The following ADCY8 variants were observed in gnomAD, a reference collection of about 807,000 sequenced individuals.
ADCY8 encodes adenylate cyclase 8.
A neutral mutation model predicts 119.7 loss-of-function variants in ADCY8; 51 were observed. The ratio of observed to expected loss-of-function variants is 0.43; its 90% CI spans 0.34 to 0.54. ADCY8 has a LOEUF of 0.54. Among genes scored for constraint, ADCY8 ranks in the 20% least tolerant of loss-of-function variants. The probability of loss-of-function intolerance (pLI) is 0.03; values close to 1 mark genes in which losing one functional copy is unlikely to be tolerated. For synonymous variants in ADCY8, 665 were observed against 651.0 expected, an observed-to-expected ratio of 1.02 and a Z score of -0.33; for missense variants, 1,383 against 1,598.8, an observed-to-expected ratio of 0.87 and a Z score of 2.30.
chr8:130,946,311 A>G (rs928668259), intron 3 of ADCY8, among the ~76,000 whole-genome samples: 2 of 152,174 alleles, frequency 1.3e-5, no homozygotes, highest in East Asian at 1.9e-4. Context: ...TAAGGTCATA[A>G]AAGTTTCAGA....
chr8:130,796,856 C>T (rs1017749212), intron 15 of ADCY8, among the ~76,000 whole-genome samples: 11 of 151,318 alleles, frequency 7.3e-5, no homozygotes, highest in African/African-American at 2.7e-4. Flanking sequence ...ACTTATCCTC[C>T]CCCTCCTCTT....
intron 5 of ADCY8, among the ~76,000 whole-genome samples, chr8:130,932,344 A>G (rs1586582831): frequency 6.6e-6 from 1 of 152,158 alleles, no homozygotes; most frequent in South Asian, 2.1e-4. Flanking sequence ...GTGTGGTCCT[A>G]TCTGCCATCG....
intron 9 of ADCY8, among the ~76,000 whole-genome samples, chr8:130,850,184 C>T (rs1353290973): frequency 3.3e-5 from 5 of 152,108 alleles, no homozygotes; most frequent in Admixed American, 3.3e-4. Flanking sequence ...ATGAAGATTT[C>T]CCCCTCCACC....
intron 5 of ADCY8, among the ~76,000 whole-genome samples, chr8:130,923,936 A>C (rs1820387688): frequency 6.6e-6 from 1 of 152,184 alleles, no homozygotes; most frequent in Non-Finnish European, 1.5e-5. Flanking sequence ...TTAGATGTTT[A>C]TTGACTGACA....
chr8:130,814,935 T>G (rs1745237465), intron 13 of ADCY8, among the ~76,000 whole-genome samples: 1 of 152,206 alleles, frequency 6.6e-6, no homozygotes, highest in Admixed American at 6.5e-5. Context: ...TGTTACAGAC[T>G]GAATGTCTGT....
chr8:130,820,463 A>T (rs906005562), intron 13 of ADCY8, among the ~76,000 whole-genome samples: 2 of 152,198 alleles, frequency 1.3e-5, no homozygotes, highest in African/African-American at 4.8e-5. Context: ...GCAGTGCCTG[A>T]TTTCTACCAG....
chr8:130,911,854 A>G (rs1418226453), intron 5 of ADCY8, among the ~76,000 whole-genome samples: 2 of 152,028 alleles, frequency 1.3e-5, no homozygotes, highest in African/African-American at 4.8e-5. Context: ...GGATCAAAAT[A>G]TTTAGATACT....
intron 14 of ADCY8, among the ~76,000 whole-genome samples, chr8:130,810,767 T>C (rs1252658605): frequency 6.6e-6 from 1 of 152,218 alleles, no homozygotes; most frequent in Non-Finnish European, 1.5e-5. Flanking sequence ...ACAAGATGTC[T>C]TATACATGCG....
chr8:130,867,503 T>C (rs1818170362), intron 9 of ADCY8, among the ~76,000 whole-genome samples: 1 of 152,214 alleles, frequency 6.6e-6, no homozygotes, highest in African/African-American at 2.4e-5. Flanking sequence ...CGATGCTGTA[T>C]CTGTGAATGA....
At chr8:130,924,993 G>C (rs1013323049) in intron 5 of ADCY8, among the ~76,000 whole-genome samples, 1 of 150,956 alleles carries the variant, frequency 6.6e-6, no homozygotes, top group Admixed American at 6.6e-5. Context: ...TGGATCACAA[G>C]GTCAGGAGAT....
intron 5 of ADCY8, among the ~76,000 whole-genome samples, chr8:130,935,714 C>A (rs906681869): frequency 6.6e-5 from 10 of 152,186 alleles, no homozygotes; most frequent in Non-Finnish European, 8.8e-5. Context: ...ACGCCTATTG[C>A]CCACTGCCTT....
intron 5 of ADCY8, among the ~76,000 whole-genome samples, chr8:130,922,464 G>A (rs1004576211): frequency 2.6e-5 from 4 of 152,140 alleles, no homozygotes; most frequent in African/African-American, 9.6e-5. Context: ...ATCTTGCACC[G>A]CCCTTAATCT....
chr8:130,820,474 G>C (rs555467545), intron 13 of ADCY8, among the ~76,000 whole-genome samples: 1 of 152,310 alleles, frequency 6.6e-6, no homozygotes, highest in South Asian at 2.1e-4. Context: ...TTTCTACCAG[G>C]GGGTGAGAAT....
chr8:130,874,637 C>T (rs949963331), intron 8 of ADCY8, among the ~76,000 whole-genome samples: 4 of 152,090 alleles, frequency 2.6e-5, no homozygotes, highest in Non-Finnish European at 5.9e-5. Context: ...TTCAGAAGTG[C>T]AAGGCTGGGA....
At chr8:130,798,731 G>A (rs1259427569) in intron 15 of ADCY8, among the ~76,000 whole-genome samples, 1 of 152,156 alleles carries the variant, frequency 6.6e-6, no homozygotes, top group Non-Finnish European at 1.5e-5. Context: ...CAAGGTAAAA[G>A]CAGCATTGAT....
chr8:130,839,835 T>C (rs1355998674), intron 11 of ADCY8, among the ~76,000 whole-genome samples: 1 of 140,332 alleles, frequency 7.1e-6, no homozygotes, highest in Non-Finnish European at 1.6e-5. Context: ...ATCTGTACTT[T>C]ATTCTGCAGT....
intron 8 of ADCY8, among the ~76,000 whole-genome samples, chr8:130,874,659 C>A (rs923798478): frequency 6.6e-6 from 1 of 152,122 alleles, no homozygotes; most frequent in Non-Finnish European, 1.5e-5. Context: ...GACACCTGCC[C>A]AGGGGTGACA....
At chr8:130,902,205 G>A (rs1819624781) in intron 7 of ADCY8, among the ~76,000 whole-genome samples, 1 of 152,152 alleles carries the variant, frequency 6.6e-6, no homozygotes, top group African/African-American at 2.4e-5. Context: ...GATGAGGCAT[G>A]CATTTCTTTC....
intron 5 of ADCY8, among the ~76,000 whole-genome samples, chr8:130,911,754 A>T (rs1819987970): frequency 6.7e-6 from 1 of 150,074 alleles, no homozygotes. Flanking sequence ...TAAACATATG[A>T]ATATAATTAA....
Sources: allele counts gnomAD v4.1 joint callset (sites outside exome capture counted in the v4.1 genomes callset), GRCh38; gene constraint gnomAD v4.1.1; transcripts MANE v1.5; gene names NCBI Gene and HGNC (gene_info 2026-07-23, HGNC 2026-07-21).